The following TMPRSS9 variants were observed in gnomAD, a reference collection of about 807,000 sequenced individuals.
TMPRSS9 encodes the protein transmembrane serine protease 9, also known as transmembrane protease serine 9.
In TMPRSS9, 113 loss-of-function variants were observed where a neutral mutation model predicts 111.4. That is an observed-to-expected ratio of 1.01 (90% CI 0.87 to 1.19). The LOEUF is 1.19. Among genes scored for constraint, TMPRSS9 ranks in the 50% most tolerant of loss-of-function variants. The probability of loss-of-function intolerance (pLI) is 0.00; values close to 1 mark genes in which losing one functional copy is unlikely to be tolerated. For missense variants in TMPRSS9, 1,803 were observed against 1,513.1 expected (o/e 1.19, Z -3.18); for synonymous variants, 805 against 659.1 (o/e 1.22, Z -3.39).
At position 2,396,330 on chromosome 19, in the gene TMPRSS9, G is replaced by A. The variant is rs145752586; in HGVS notation, c.143-209G>A. 888 of 532,966 alleles carry A rather than the reference G, an allele frequency of 1.7e-3. 12 individuals are homozygous for A. The highest frequency in any genetic ancestry group is 0.015 in the African/African-American group (769 of 51,822). 33.0% of individuals were successfully genotyped at this position (532,966 alleles called of 1,614,324 possible). On this transcript the variant is annotated intron_variant, in intron 1 of 17. Transcript: ENST00000648592. ...CGGGTGGGTGGCTGTCATAGAATTCGGCTCCAAACCAGGATGCTTTTGGGA... is the reference window on the plus strand; with the variant it reads ...CGGGTGGGTGGCTGTCATAGAATTCAGCTCCAAACCAGGATGCTTTTGGGA...
At chr19:2,403,404 G>A (rs1225023185) in intron 6 of TMPRSS9, among the ~76,000 whole-genome samples, 1 of 152,164 alleles carries the variant, frequency 6.6e-6, no homozygotes, top group East Asian at 1.9e-4. Flanking sequence ...GTGTGTGATG[G>A]GAAGAAGCCT....
intron 2 of TMPRSS9, among the ~76,000 whole-genome samples, chr19:2,398,077 C>T (rs975257783): frequency 3.3e-5 from 5 of 150,364 alleles, no homozygotes; most frequent in East Asian, 4.0e-4. Flanking sequence ...GGGCGGATCA[C>T]GAGGTCAGGA....
At chr19:2,373,584 C>G (rs80072873) in intron 1 of TMPRSS9, among the ~76,000 whole-genome samples, 1 of 149,884 alleles carries the variant, frequency 6.7e-6, no homozygotes, top group East Asian at 1.9e-4. Flanking sequence ...AGGGTGGTCT[C>G]GAACTCCTGA....
intron 1 of TMPRSS9, among the ~76,000 whole-genome samples, chr19:2,369,933 T>C (rs2385174): frequency 0.56 from 85,619 of 151,848 alleles, 24,400 homozygotes; most frequent in African/African-American, 0.65. Flanking sequence ...GATGCCCAAA[T>C]GCAGTGGCTC....
At chr19:2,382,447 T>C (rs1457301679) in intron 1 of TMPRSS9, among the ~76,000 whole-genome samples, 1 of 152,312 alleles carries the variant, frequency 6.6e-6, no homozygotes, top group Admixed American at 6.5e-5. Flanking sequence ...ATTTTTTTAG[T>C]AGGAGTCGGA....
chr19:2,396,372 G>C, intron 1 of TMPRSS9, 167 bp from the exon 3 acceptor site: 1 of 737,402 alleles, frequency 1.4e-6, no homozygotes, highest in Non-Finnish European at 2.0e-6. Flanking sequence ...GGAGAGCCCT[G>C]TGAGTAGCTA....
chr19:2,391,881 A>T (rs1414908119), intron 1 of TMPRSS9, among the ~76,000 whole-genome samples: 1 of 151,858 alleles, frequency 6.6e-6, no homozygotes, highest in African/African-American at 2.4e-5. Flanking sequence ...AGCTGAGATT[A>T]CAGGTGTGTG....
At chr19:2,371,518 C>T (rs2385176) in intron 1 of TMPRSS9, among the ~76,000 whole-genome samples, 4,471 of 150,450 alleles carry the variant, frequency 0.03, 89 homozygotes, top group Non-Finnish European at 0.042. Context: ...AAAACCCTGT[C>T]TCTACTAAAA....
chr19:2,424,785 CT>C (rs1971565557), intron 15 of TMPRSS9, among the ~76,000 whole-genome samples: 1 of 152,088 alleles, frequency 6.6e-6, no homozygotes, highest in Non-Finnish European at 1.5e-5. Context: ...CACTAGACCC[CT>C]TTTCAGAGCG....
chr19:2,405,305 C>G (rs1288602797), intron 6 of TMPRSS9, 69 bp from the exon 8 acceptor site: 1 of 1,500,594 alleles, frequency 6.7e-7, no homozygotes, highest in African/African-American at 1.5e-5. Context: ...CTCAGAGATG[C>G]ATGTTCTGGG....
chr19:2,425,903 C>A (rs771390390), intron 17 of TMPRSS9, 24 bp from the exon 19 acceptor site: 2 of 1,566,466 alleles, frequency 1.3e-6, no homozygotes, highest in South Asian at 2.4e-5. Context: ...GGCCTCTGAA[C>A]CCCCTTTCTT....
intron 4 of TMPRSS9, among the ~76,000 whole-genome samples, chr19:2,400,840 G>A (rs545991156): frequency 2.7e-4 from 41 of 151,564 alleles, no homozygotes; most frequent in Non-Finnish European, 5.6e-4. Flanking sequence ...CGGGCATGGT[G>A]GCGGGCGCCT....
chr19:2,369,259 A>T lies in TMPRSS9; in HGVS notation c.-26+8899A>T, dbSNP rs543912622. ...TGTGCCCGGCCAAACCCAGGTTTTA[A>T]AAAAAATTTTTTTGTACCTGGGTGA... On this transcript the variant is annotated intron_variant, in intron 1 of 17. Coordinates refer to the TMPRSS9 transcript ENST00000649857. 4.6e-5 allele frequency among the ~76,000 whole-genome samples: 7 copies of T among 152,166 alleles called. No individual in the cohort carries two copies. In the South Asian group the frequency reaches 1.0e-3, roughly 23 times the overall value.
At chr19:2,418,229 T>C (rs1971297146) in intron 13 of TMPRSS9, 91 bp downstream of exon 14, 1 of 1,336,916 alleles carries the variant, frequency 7.5e-7, no homozygotes, top group Non-Finnish European at 1.0e-6. Context: ...ACCTAGATTT[T>C]TTTCCTTTCT....
chr19:2,368,978 T>A (rs2145243595), intron 1 of TMPRSS9, among the ~76,000 whole-genome samples: 1 of 146,470 alleles, frequency 6.8e-6, no homozygotes, highest in East Asian at 2.0e-4. Flanking sequence ...TGAGACAGAG[T>A]TTTGCTCTCA....
chr19:2,412,046 C>T (rs991830985), intron 9 of TMPRSS9, among the ~76,000 whole-genome samples: 2 of 152,044 alleles, frequency 1.3e-5, no homozygotes, highest in Non-Finnish European at 2.9e-5. Context: ...GTAAGTTATT[C>T]TGTTGTAACT....
chr19:2,360,380 G>A lies in TMPRSS9; in HGVS notation c.-26+20G>A, dbSNP rs1235441275. ...ACCCCGGTGAGTCGGGGTCTCCTGC[G>A]GGCTCAGCCTCCCCTCGGAACAGCC... On this transcript the variant is annotated intron_variant, in intron 1 of 17. Transcript: ENST00000649857. Among the ~76,000 whole-genome samples the A allele has an allele frequency of 2.6e-5, 4 of 152,126 alleles. No individual in the cohort carries two copies. Among genetic ancestry groups the A allele is most frequent in the African/African-American group, 7.2e-5 (3 of 41,434 alleles).
chr19:2,425,774 GT>G lies in TMPRSS9; in HGVS notation c.3121-152del, dbSNP rs1971608601. On this transcript the variant is annotated intron_variant, in intron 17 of 17. Coordinates refer to ENST00000648592, the Ensembl canonical transcript of TMPRSS9. ...GACCACGTGGCGGGTGTCCATAAAT[GT>G]CTGCCACCTTTGCATTGAGCCCATT... 4 of 1,256,748 alleles carry G rather than the reference GT, an allele frequency of 3.2e-6. No homozygotes were observed. In the East Asian group the frequency reaches 1.0e-4, roughly 32 times the overall value. The allele number at this position is 1,256,748 out of a possible 1,614,324, so 77.8% of individuals were successfully genotyped here.
chr19:2,386,453 C>T (rs1257831753), upstream of TMPRSS9, among the ~76,000 whole-genome samples: 3 of 148,408 alleles, frequency 2.0e-5, no homozygotes, highest in South Asian at 2.1e-4. Context: ...TGCAGTGAGC[C>T]GAGATCGCGC....
Sources: gnomAD v4.1 joint callset for allele counts (sites outside exome capture counted in the v4.1 genomes callset) on GRCh38, gnomAD v4.1.1 for gene constraint, MANE v1.5 for transcripts, NCBI Gene and HGNC (gene_info 2026-07-23, HGNC 2026-07-21) for gene names.